CALN1: variants seen among roughly 807,000 people sequenced by gnomAD.
CALN1 encodes the protein calcium-binding protein 8.
A neutral mutation model predicts 30.6 loss-of-function variants in CALN1; 17 were observed. The ratio of observed to expected loss-of-function variants is 0.56; its 90% CI spans 0.38 to 0.83. The LOEUF (loss-of-function observed/expected upper bound fraction) is 0.83. CALN1 is among the 40% of genes least tolerant of loss of function. The pLI is 0.00. For synonymous variants in CALN1, 156 were observed against 131.4 expected (o/e 1.19, Z -1.28); for missense variants, 291 against 354.9 (o/e 0.82, Z 1.45).
At chr7:71,982,138 A>G (rs1798431986) in intron 5 of CALN1, among the ~76,000 whole-genome samples, 1 of 152,140 alleles carries the variant, frequency 6.6e-6, no homozygotes, top group Admixed American at 6.6e-5. Flanking sequence ...GGAGGTGAGT[A>G]CCAGATGCCT....
At chr7:71,946,245 T>C (rs1796399215) in intron 5 of CALN1, among the ~76,000 whole-genome samples, 1 of 152,208 alleles carries the variant, frequency 6.6e-6, no homozygotes, top group Admixed American at 6.5e-5. Context: ...CATACATTTC[T>C]ATTTTTGTCT....
chr7:72,255,724 T>C (rs968038558), intron 3 of CALN1, among the ~76,000 whole-genome samples: 118 of 131,848 alleles, frequency 8.9e-4, no homozygotes, highest in African/African-American at 3.5e-3. Context: ...CATAGCTCAC[T>C]TAAATAATTT....
At chr7:72,439,565 T>A (rs1808282864) in intron 1 of CALN1, among the ~76,000 whole-genome samples, 1 of 149,408 alleles carries the variant, frequency 6.7e-6, no homozygotes, top group African/African-American at 2.5e-5. Context: ...TAAAGGTCTT[T>A]ATCCTTGTCG....
At chr7:72,408,160 T>C (rs146617250) in intron 1 of CALN1, among the ~76,000 whole-genome samples, 246 of 151,424 alleles carry the variant, frequency 1.6e-3, no homozygotes, top group African/African-American at 5.5e-3. Flanking sequence ...AGGCCTGGCA[T>C]GGAGGCTCAC....
chr7:71,855,568 G>A (rs1406315428), intron 5 of CALN1, among the ~76,000 whole-genome samples: 2 of 152,136 alleles, frequency 1.3e-5, no homozygotes, highest in East Asian at 1.9e-4. Flanking sequence ...CTTTCAATCT[G>A]GAGCTAGGGC....
At chr7:71,997,923 C>T (rs1036398105) in intron 5 of CALN1, among the ~76,000 whole-genome samples, 17 of 152,024 alleles carry the variant, frequency 1.1e-4, no homozygotes, top group African/African-American at 2.7e-4. Flanking sequence ...AGGGTTCAAG[C>T]GACTCTTGTG....
chr7:72,302,695 A>C (rs967726291), intron 2 of CALN1, among the ~76,000 whole-genome samples: 1 of 151,944 alleles, frequency 6.6e-6, no homozygotes, highest in Admixed American at 6.6e-5. Context: ...GGAGTTCATG[A>C]CCAGCCTGGC....
At chr7:72,269,068 A>G (rs2129553319) in intron 3 of CALN1, among the ~76,000 whole-genome samples, 1 of 152,296 alleles carries the variant, frequency 6.6e-6, no homozygotes, top group East Asian at 1.9e-4. Context: ...CAATTCACGT[A>G]GTAGCTGCAC....
intron 2 of CALN1, among the ~76,000 whole-genome samples, chr7:72,333,625 TCTGA>T (rs1801817915): frequency 6.7e-6 from 1 of 149,540 alleles, no homozygotes; most frequent in Admixed American, 6.7e-5. Context: ...TTTCAGACAC[TCTGA>T]CTACACCAGC....
intron 5 of CALN1, among the ~76,000 whole-genome samples, chr7:71,931,213 G>C (rs1795532630): frequency 6.6e-6 from 1 of 152,090 alleles, no homozygotes; most frequent in Admixed American, 6.5e-5. Flanking sequence ...GGGATTTAAA[G>C]TTAGTTCTTC....
intron 4 of CALN1, among the ~76,000 whole-genome samples, chr7:72,078,452 T>C (rs1045026854): frequency 4.6e-5 from 7 of 152,108 alleles, no homozygotes; most frequent in African/African-American, 1.7e-4. Context: ...AGATGAGCAG[T>C]ATCTGACTTC....
upstream of CALN1, among the ~76,000 whole-genome samples, chr7:72,417,108 G>A (rs181393251): frequency 1.4e-4 from 21 of 152,320 alleles, no homozygotes; most frequent in East Asian, 1.7e-3. Context: ...GAGTACAGGC[G>A]GAGGGCGGTC....
intron 2 of CALN1, among the ~76,000 whole-genome samples, chr7:72,341,700 T>G (rs1225615710): frequency 1.3e-5 from 2 of 152,240 alleles, no homozygotes; most frequent in Admixed American, 6.5e-5. Context: ...GTTTACTCTC[T>G]CTGAATCTCA....
At chr7:71,939,929 C>T (rs1796037069) in intron 5 of CALN1, among the ~76,000 whole-genome samples, 1 of 152,168 alleles carries the variant, frequency 6.6e-6, no homozygotes, top group Non-Finnish European at 1.5e-5. Context: ...CATATCAACT[C>T]CAATGGACAG....
chr7:72,387,949 T>C (rs1459585222), intron 2 of CALN1, among the ~76,000 whole-genome samples: 1 of 152,188 alleles, frequency 6.6e-6, no homozygotes, highest in Admixed American at 6.5e-5. Flanking sequence ...GAGGAATAAG[T>C]TGTGTTCTAT....
intron 5 of CALN1, among the ~76,000 whole-genome samples, chr7:71,855,604 C>T (rs531435855): frequency 8.5e-5 from 13 of 152,054 alleles, no homozygotes; most frequent in Non-Finnish European, 1.3e-4. Flanking sequence ...TTGGAGGTTC[C>T]GTCTGACCCT....
At chr7:71,980,006 T>C (rs950621128) in intron 5 of CALN1, among the ~76,000 whole-genome samples, 1 of 150,522 alleles carries the variant, frequency 6.6e-6, no homozygotes, top group African/African-American at 2.4e-5. Flanking sequence ...GCCTCCCATA[T>C]AGCTGGGATT....
intron 5 of CALN1, among the ~76,000 whole-genome samples, chr7:71,977,889 G>A (rs183353370): frequency 6.8e-6 from 1 of 147,984 alleles, no homozygotes; most frequent in Admixed American, 6.9e-5. Context: ...CTGAGATTGT[G>A]CCACTGCACT....
chr7:71,969,771 T>C (rs867541970), intron 5 of CALN1, among the ~76,000 whole-genome samples: 3 of 151,974 alleles, frequency 2.0e-5, no homozygotes, highest in Non-Finnish European at 4.4e-5. Flanking sequence ...AAATTAATTC[T>C]GACTTGTCCC....
Sources: allele counts gnomAD v4.1 joint callset (sites outside exome capture counted in the v4.1 genomes callset), GRCh38; gene constraint gnomAD v4.1.1; transcripts MANE v1.5; gene names NCBI Gene and HGNC (gene_info 2026-07-23, HGNC 2026-07-21).